Variants in HHLA2 observed in about 807,000 individuals in gnomAD.
The protein encoded by HHLA2 is HHLA2 member of B7 family, also known as HERV-H LTR-associating protein 2.
HHLA2 carries 48 observed loss-of-function variants against 45.9 expected under a neutral mutation model. The ratio of observed to expected loss-of-function variants is 1.05; its 90% CI spans 0.83 to 1.33. HHLA2 has a LOEUF of 1.33. Ranked by LOEUF, HHLA2 falls within the 40% of genes most tolerant of loss-of-function variation. The pLI, the probability that HHLA2 is intolerant of heterozygous loss-of-function variation, is 0.00. For synonymous variants in HHLA2, 161 were observed against 173.9 expected (o/e 0.93, Z 0.59); for missense variants, 462 against 494.3 (o/e 0.93, Z 0.62).
chr3:108,321,336 A>T (rs1335036620), intron 2 of HHLA2, among the ~76,000 whole-genome samples: 3 of 152,122 alleles, frequency 2.0e-5, no homozygotes, highest in African/African-American at 4.8e-5. Flanking sequence ...ACATTTTCCC[A>T]TAGCTTCTTG....
chr3:108,365,604 G>A (rs535371241), intron 8 of HHLA2, among the ~76,000 whole-genome samples: 7 of 151,396 alleles, frequency 4.6e-5, no homozygotes, highest in Admixed American at 2.6e-4. Flanking sequence ...CCATTTTCAC[G>A]ATATTCATAA....
intron 7 of HHLA2, among the ~76,000 whole-genome samples, chr3:108,360,404 A>G (rs567886106): frequency 1.3e-5 from 2 of 152,322 alleles, no homozygotes; most frequent in East Asian, 1.9e-4. Flanking sequence ...AGCAACCTCA[A>G]TATATGATTT....
At chr3:108,326,838 T>C (rs907981116) in intron 2 of HHLA2, 6 of 152,448 alleles carry the variant, frequency 3.9e-5, no homozygotes, top group Non-Finnish European at 8.8e-5. Context: ...AGAGAGACTT[T>C]AATGATGCTT....
chr3:108,371,559 G>C (rs987846958), intron 8 of HHLA2, among the ~76,000 whole-genome samples: 20 of 152,172 alleles, frequency 1.3e-4, no homozygotes, highest in Non-Finnish European at 2.6e-4. Context: ...AGACCCATCA[G>C]TGTGCTGTAT....
chr3:108,298,086 AT>A, intron 1 of HHLA2, among the ~76,000 whole-genome samples: 1 of 152,322 alleles, frequency 6.6e-6, no homozygotes, highest in East Asian at 1.9e-4. Flanking sequence ...GTAGGAATGA[AT>A]ACCCCTTTTC....
chr3:108,373,524 C>G (rs371624208), intron 8 of HHLA2, among the ~76,000 whole-genome samples: 16 of 152,086 alleles, frequency 1.1e-4, no homozygotes, highest in South Asian at 6.2e-4. Context: ...ATTAGGAAAA[C>G]AGGAAGTCAA....
At chr3:108,374,690 A>G (rs1211338655) in intron 8 of HHLA2, among the ~76,000 whole-genome samples, 7 of 149,792 alleles carry the variant, frequency 4.7e-5, no homozygotes, top group African/African-American at 1.7e-4. Flanking sequence ...GACACTTCTC[A>G]AAAGAAGACA....
intron 9 of HHLA2, among the ~76,000 whole-genome samples, chr3:108,376,281 G>A (rs557166818): frequency 1.2e-4 from 18 of 152,186 alleles, no homozygotes; most frequent in African/African-American, 4.3e-4. Context: ...TTATTCCCCG[G>A]CTTTGGAGCA....
intron 8 of HHLA2, among the ~76,000 whole-genome samples, chr3:108,370,034 C>T (rs994464952): frequency 5.3e-5 from 8 of 152,160 alleles, no homozygotes; most frequent in Non-Finnish European, 1.0e-4. Flanking sequence ...TCCCTGACCC[C>T]CGAGTGGCCT....
At chr3:108,373,125 T>C (rs1263299245) in intron 8 of HHLA2, among the ~76,000 whole-genome samples, 1 of 152,180 alleles carries the variant, frequency 6.6e-6, no homozygotes, top group Non-Finnish European at 1.5e-5. Context: ...AAAAAGCTTA[T>C]CCACCATGAT....
Position 108,309,321 on chromosome 3 carries a change from A to G in HHLA2, c.-191-1334A>G, listed in dbSNP as rs9827464. On this transcript the variant is annotated intron_variant, in intron 1 of 10. Coordinates refer to ENST00000619531, the Ensembl canonical transcript of HHLA2. ...TTTGTTGAAAATGAATTTACTGTAC[A>G]TATGTAGATTTTTTTCTGGGTTTTC... Among the ~76,000 whole-genome samples, 656 of 152,098 alleles carry G rather than the reference A, an allele frequency of 4.3e-3. 3 individuals carry two copies. Among genetic ancestry groups the G allele is most frequent in the African/African-American group, 0.015 (630 of 41,476 alleles).
intron 1 of HHLA2, among the ~76,000 whole-genome samples, chr3:108,304,789 A>T (rs2080902877): frequency 6.6e-6 from 1 of 152,124 alleles, no homozygotes; most frequent in African/African-American, 2.4e-5. Flanking sequence ...ATGTTAGGGT[A>T]CTTGTCCATG....
intron 2 of HHLA2, among the ~76,000 whole-genome samples, chr3:108,322,923 T>G (rs2081228857): frequency 6.6e-6 from 1 of 152,192 alleles, no homozygotes. Flanking sequence ...TTTTGAGTAC[T>G]ATATGGTACA....
chr3:108,340,901 TTTTTTTTTTCC>T (rs1344380890), intron 3 of HHLA2, among the ~76,000 whole-genome samples: 6 of 15,544 alleles, frequency 3.9e-4, no homozygotes, highest in Non-Finnish European at 1.6e-3. Context: ...TTTTCTTTTT[TTTTTTTTTTCC>T]TTCCTTCCTT....
Position 108,337,633 on chromosome 3 carries a change from G to A in HHLA2, c.-27+9286G>A, listed in dbSNP as rs1188543414. 3.9e-5 allele frequency among the ~76,000 whole-genome samples: 6 copies of A among 152,118 alleles called. No homozygotes were observed. The South Asian group carries it at 1.2e-3, about 32-fold the overall frequency. The stretch of plus-strand genomic sequence containing the variant: ...GTCATGGCCAACTTTCCCAAGAGTG[G>A]AAATACATAACGAAAGCTCACCCTC... On this transcript the variant is annotated intron_variant, in intron 3 of 10. Coordinates refer to ENST00000619531, the Ensembl canonical transcript of HHLA2.
intron 8 of HHLA2, among the ~76,000 whole-genome samples, chr3:108,367,175 A>AC (rs1344877549): frequency 6.6e-6 from 1 of 152,114 alleles, no homozygotes; most frequent in East Asian, 1.9e-4. Flanking sequence ...AACACAAAGG[A>AC]CCCCCATACA....
intron 2 of HHLA2, among the ~76,000 whole-genome samples, chr3:108,327,690 G>A (rs2081310380): frequency 6.6e-6 from 1 of 151,942 alleles, no homozygotes; most frequent in African/African-American, 2.4e-5. Context: ...ATCTTGTCTT[G>A]TCTCTTTGAA....
intron 8 of HHLA2, among the ~76,000 whole-genome samples, chr3:108,373,516 T>G (rs1259637403): frequency 1.3e-5 from 2 of 152,170 alleles, no homozygotes; most frequent in African/African-American, 2.4e-5. Context: ...GGTATTCAAT[T>G]AGGAAAACAG....
chr3:108,311,867 T>G (rs16854433), intron 2 of HHLA2: 26,375 of 152,122 alleles, frequency 0.17, 2,833 homozygotes, highest in East Asian at 0.53. Flanking sequence ...ATGAACAGAA[T>G]TGTGCAGATG....
Sources: gnomAD v4.1 joint callset for allele counts (sites outside exome capture counted in the v4.1 genomes callset) on GRCh38, gnomAD v4.1.1 for gene constraint, MANE v1.5 for transcripts, NCBI Gene and HGNC (gene_info 2026-07-23, HGNC 2026-07-21) for gene names.